ARHGAP29: variants seen among roughly 807,000 people sequenced by gnomAD.
ARHGAP29 encodes the protein Rho GTPase activating protein 29, also known as rho GTPase-activating protein 29.
In ARHGAP29, 43 loss-of-function variants were observed where a neutral mutation model predicts 122.6. The observed-to-expected ratio is 0.35, with a 90% CI of 0.27 to 0.45. ARHGAP29 has a LOEUF of 0.45. Ranked by LOEUF, ARHGAP29 falls within the 20% of genes least tolerant of loss-of-function variation. ARHGAP29 has a pLI of 1.00. For synonymous variants in ARHGAP29, 506 were observed against 497.1 expected (o/e 1.02, Z -0.24); for missense variants, 1,303 against 1,477.2 (o/e 0.88, Z 1.93).
chr1:94,305,638 C>T, the ARHGAP29 span, among the ~76,000 whole-genome samples: 1 of 152,152 alleles, frequency 6.6e-6, no homozygotes, highest in Admixed American at 6.5e-5. Context: ...GAATCAAGAA[C>T]TCGGCAGTGC....
chr1:94,274,927 A>C (rs1243945822), intron 1 of ARHGAP29: 1 of 152,204 alleles, frequency 6.6e-6, no homozygotes, highest in African/African-American at 2.4e-5. Context: ...TTCGTTTTTA[A>C]GGGTCTTGTT....
chr1:94,266,085 C>A (rs1357540541), intron 1 of ARHGAP29, among the ~76,000 whole-genome samples: 2 of 152,144 alleles, frequency 1.3e-5, no homozygotes, highest in African/African-American at 2.4e-5. Flanking sequence ...GGTCAAGCTG[C>A]ATTTGATTAA....
chr1:94,200,142 A>C (rs1322970758), intron 12 of ARHGAP29, among the ~76,000 whole-genome samples: 2 of 152,186 alleles, frequency 1.3e-5, no homozygotes, highest in Non-Finnish European at 2.9e-5. Context: ...TTGGATTCCA[A>C]CAAAATTAAA....
chr1:94,173,746 G>A lies in ARHGAP29; in HGVS notation c.*123C>T. 8.0e-7 allele frequency: 1 copy of A among 1,243,280 alleles called. No individual in the cohort carries two copies. Among genetic ancestry groups the A allele is most frequent in the Non-Finnish European group, 1.1e-6 (1 of 901,832 alleles). The allele number at this position is 1,243,280 out of a possible 1,614,324, so 77.0% of individuals were successfully genotyped here. The stretch of plus-strand genomic sequence containing the variant: ...ACAGAGGATAAATACAACAACAAAA[G>A]GCAAAACCCATGATTTGGCAGTCCT... On this transcript the variant is annotated 3_prime_UTR_variant, in exon 23 of 23. Coordinates refer to ENST00000260526, the MANE Select transcript of ARHGAP29 (RefSeq NM_004815.4).
chr1:94,246,649 G>A (rs577543453), intron 1 of ARHGAP29, among the ~76,000 whole-genome samples: 1 of 152,250 alleles, frequency 6.6e-6, no homozygotes, highest in African/African-American at 2.4e-5. Flanking sequence ...GATAAACTAG[G>A]ACAAATCAGA....
chr1:94,301,537 T>C, the ARHGAP29 span, among the ~76,000 whole-genome samples: 1 of 152,100 alleles, frequency 6.6e-6, no homozygotes, highest in Non-Finnish European at 1.5e-5. Context: ...GTCACTGCAA[T>C]GGGGAGGGAA....
Position 94,172,643 on chromosome 1 carries a change from AAC to A in ARHGAP29, c.*1224_*1225del, listed in dbSNP as rs1173835602. 1.3e-5 allele frequency: 2 copies of A among 149,510 alleles called. No individual in the cohort carries two copies. Among genetic ancestry groups the A allele is most frequent in the African/African-American group, 4.9e-5 (2 of 40,838 alleles). The allele number at this position is 149,510 out of a possible 1,614,324, so 9.3% of individuals were successfully genotyped here. A position where few individuals can be genotyped will look rare whatever the true frequency, so the allele number is the denominator to read the frequency against. On this transcript the variant is annotated 3_prime_UTR_variant, in exon 23 of 23. Coordinates refer to ENST00000260526, the MANE Select transcript of ARHGAP29 (RefSeq NM_004815.4). ...TATATATATATATATTATCAAGTAT[AAC>A]ACAGTCATACAAAAACATTTAGTAG... is the stretch of plus-strand genomic sequence containing the variant.
intron 2 of ARHGAP29, among the ~76,000 whole-genome samples, chr1:94,228,708 G>A (rs960584821): frequency 4.6e-5 from 7 of 151,830 alleles, no homozygotes; most frequent in African/African-American, 1.7e-4. Context: ...AATGAAAAGC[G>A]CCATATACAA....
chr1:94,283,240 T>A, the ARHGAP29 span, among the ~76,000 whole-genome samples: 7 of 152,154 alleles, frequency 4.6e-5, no homozygotes, highest in African/African-American at 1.7e-4. Flanking sequence ...CTGGGTACCA[T>A]TGCTTTCTAT....
At chr1:94,257,630 G>T (rs535254488) in intron 1 of ARHGAP29, among the ~76,000 whole-genome samples, 1 of 152,038 alleles carries the variant, frequency 6.6e-6, no homozygotes, top group African/African-American at 2.4e-5. Context: ...GGATTGTTTG[G>T]CTTGGGAGGT....
the ARHGAP29 span, among the ~76,000 whole-genome samples, chr1:94,288,271 G>A: frequency 2.6e-5 from 4 of 152,214 alleles, no homozygotes; most frequent in African/African-American, 9.6e-5. Context: ...TTTTTCATAT[G>A]TATGTTGGCT....
At chr1:94,220,469 AC>A in intron 2 of ARHGAP29, 77 bp from the exon 3 acceptor site, 1 of 1,303,462 alleles carries the variant, frequency 7.7e-7, no homozygotes, top group Non-Finnish European at 1.0e-6. Flanking sequence ...CATCTGAAGC[AC>A]ATTTCAAGTA....
intron 1 of ARHGAP29, among the ~76,000 whole-genome samples, chr1:94,243,493 A>G (rs555115994): frequency 6.6e-6 from 1 of 152,076 alleles, no homozygotes; most frequent in Non-Finnish European, 1.5e-5. Context: ...TATATTTTGA[A>G]CTGAATGAAA....
At chr1:94,237,709 G>C (rs1165700654), upstream of ARHGAP29, 2 of 985,200 alleles carry the variant, frequency 2.0e-6, no homozygotes, top group Non-Finnish European at 2.4e-6. Flanking sequence ...GGCAGGTACG[G>C]GAGGCAACTA....
intron 5 of ARHGAP29, among the ~76,000 whole-genome samples, chr1:94,208,379 T>G (rs1651354780): frequency 6.6e-6 from 1 of 152,210 alleles, no homozygotes; most frequent in African/African-American, 2.4e-5. Context: ...CAAAAAAGTT[T>G]AGTCAATTAA....
chr1:94,200,896 C>T (rs1235940912), intron 12 of ARHGAP29, among the ~76,000 whole-genome samples: 1 of 152,030 alleles, frequency 6.6e-6, no homozygotes, highest in Non-Finnish European at 1.5e-5. Context: ...AGTTGGACTA[C>T]AAAATAAGTA....
intron 2 of ARHGAP29, among the ~76,000 whole-genome samples, chr1:94,222,305 A>G (rs1019126993): frequency 3.9e-5 from 6 of 152,238 alleles, no homozygotes; most frequent in Non-Finnish European, 7.3e-5. Flanking sequence ...AACTTCTTCC[A>G]AAGAGTGTAG....
intron 1 of ARHGAP29, among the ~76,000 whole-genome samples, chr1:94,254,889 A>G (rs1410604043): frequency 6.6e-6 from 1 of 152,232 alleles, no homozygotes; most frequent in Non-Finnish European, 1.5e-5. Context: ...TGTATTCATG[A>G]ATCAGTATTT....
chr1:94,177,659 G>C lies in ARHGAP29; in HGVS notation c.2858C>G (p.Ser953Ter), dbSNP rs1485259006. The C allele has an allele frequency of 2.5e-6, 4 of 1,613,122 alleles. No homozygotes were observed. The highest frequency in any genetic ancestry group is 1.3e-5 in the African/African-American group (1 of 74,760). Residue 953 changes from serine (S) to a stop codon, truncating the protein, a stop_gained, in exon 22 of 23, where the codon TCA becomes TGA. Coordinates refer to ENST00000260526, the MANE Select transcript of ARHGAP29 (RefSeq NM_004815.4). LOFTEE classifies it low-confidence loss of function (END_TRUNC). ...IFERATSFEESERKQNALGKC... is the reference protein window; with the variant it reads ...IFERATSFEE ...TCCTAACGCATTTTGCTTGCGTTCTGATTCCTCAAATGATGTAGCTCGTTC... is the reference window on the plus strand; with the variant it reads ...TCCTAACGCATTTTGCTTGCGTTCTCATTCCTCAAATGATGTAGCTCGTTC...
Sources: allele counts gnomAD v4.1 joint callset (sites outside exome capture counted in the v4.1 genomes callset), GRCh38; gene constraint gnomAD v4.1.1; transcripts MANE v1.5; gene names NCBI Gene and HGNC (gene_info 2026-07-23, HGNC 2026-07-21).